Variants in ACSBG1 observed in about 807,000 individuals in gnomAD.
ACSBG1 encodes acyl-CoA synthetase bubblegum family member 1.
A neutral mutation model predicts 80.2 loss-of-function variants in ACSBG1; 39 were observed. The ratio of observed to expected loss-of-function variants is 0.49; its 90% CI spans 0.38 to 0.64. ACSBG1 has a LOEUF of 0.64. Ranked by LOEUF, ACSBG1 falls within the 30% of genes least tolerant of loss-of-function variation. The pLI is 0.00. For synonymous variants in ACSBG1, 392 were observed against 379.5 expected (o/e 1.03, Z -0.38); for missense variants, 828 against 966.4 (o/e 0.86, Z 1.90).
chr15:78,222,997 T>C (rs2075370703), intron 1 of ACSBG1, among the ~76,000 whole-genome samples: 1 of 152,162 alleles, frequency 6.6e-6, no homozygotes, highest in African/African-American at 2.4e-5. Flanking sequence ...CATCAATAGG[T>C]AGAATCTAAT....
At chr15:78,232,551 A>T (rs2075455032) in intron 1 of ACSBG1, among the ~76,000 whole-genome samples, 1 of 151,980 alleles carries the variant, frequency 6.6e-6, no homozygotes, top group Non-Finnish European at 1.5e-5. Context: ...CCTGAGCCCC[A>T]CTTGGCCCCT....
At chr15:78,229,405 A>G (rs1165300140) in intron 1 of ACSBG1, among the ~76,000 whole-genome samples, 3 of 152,224 alleles carry the variant, frequency 2.0e-5, no homozygotes, top group Non-Finnish European at 4.4e-5. Context: ...GTTTAAGGAC[A>G]CTTGTGTTCT....
At chr15:78,199,706 A>G (rs1356468194) in intron 2 of ACSBG1, among the ~76,000 whole-genome samples, 1 of 144,490 alleles carries the variant, frequency 6.9e-6, no homozygotes, top group Non-Finnish European at 1.5e-5. Flanking sequence ...TATGTTGCCC[A>G]GGCTGGTCTT....
chr15:78,171,352 T>A lies in ACSBG1; in HGVS notation c.*92A>T. ...GGAGATCTAACAGACTTGGCAGAAA[T>A]GCCTGTGCCCAGACTGAAGAGACCT... is the stretch of plus-strand genomic sequence containing the variant. On this transcript the variant is annotated 3_prime_UTR_variant, in exon 14 of 14. Transcript: ENST00000258873. 1 of 1,040,754 alleles carries A rather than the reference T, an allele frequency of 9.6e-7. No individual in the cohort carries two copies. The highest frequency in any genetic ancestry group is 1.4e-6 in the Non-Finnish European group (1 of 697,008). The allele number at this position is 1,040,754 out of a possible 1,614,324, so 64.5% of individuals were successfully genotyped here. A position where few individuals can be genotyped will look rare whatever the true frequency, so the allele number is the denominator to read the frequency against.
intron 8 of ACSBG1, 21 bp downstream of exon 8, chr15:78,181,948 A>T: frequency 1.2e-6 from 2 of 1,609,772 alleles, no homozygotes. Flanking sequence ...TCAGACGGAC[A>T]CACGGTAAAG....
intron 5 of ACSBG1, among the ~76,000 whole-genome samples, chr15:78,185,515 T>A (rs1429079718): frequency 6.6e-6 from 1 of 151,910 alleles, no homozygotes; most frequent in East Asian, 1.9e-4. Flanking sequence ...TGGAAAAAAA[T>A]TACTTGTGGG....
intron 1 of ACSBG1, among the ~76,000 whole-genome samples, chr15:78,211,123 A>G (rs1009301675): frequency 6.6e-6 from 1 of 152,232 alleles, no homozygotes; most frequent in African/African-American, 2.4e-5. Context: ...TGAAGAAAAG[A>G]AGCTAAGGTT....
chr15:78,231,406 C>T (rs2075446267), intron 1 of ACSBG1, among the ~76,000 whole-genome samples: 1 of 151,988 alleles, frequency 6.6e-6, no homozygotes, highest in Admixed American at 6.6e-5. Flanking sequence ...ACGGGGATTA[C>T]AGGTGTGAGC....
rs369861314 is a variant in ACSBG1 at position 78,203,378 on chromosome 15, C to T, written c.232+4624G>A. On this transcript the variant is annotated intron_variant, in intron 2 of 13. Transcript: ENST00000258873. Reference sequence around the variant, plus strand: ...AGGCAACCAACGACTAGATCTACAGCGCAGTGGAGAACCCAGAAAGCTCGC... The same window carrying T: ...AGGCAACCAACGACTAGATCTACAGTGCAGTGGAGAACCCAGAAAGCTCGC... 5.3e-5 allele frequency among the ~76,000 whole-genome samples: 8 copies of T among 152,344 alleles called. No homozygotes were observed. In the East Asian group the frequency reaches 7.7e-4, roughly 15 times the overall value.
intron 9 of ACSBG1, among the ~76,000 whole-genome samples, chr15:78,180,295 A>G (rs2074929015): frequency 6.6e-6 from 1 of 152,198 alleles, no homozygotes; most frequent in African/African-American, 2.4e-5. Flanking sequence ...AATTGAAACC[A>G]AGCCAGCTTT....
intron 5 of ACSBG1, among the ~76,000 whole-genome samples, chr15:78,183,279 T>C (rs2074967527): frequency 6.6e-6 from 1 of 152,238 alleles, no homozygotes; most frequent in Admixed American, 6.5e-5. Context: ...AGTATTTACT[T>C]ATGTTTACAA....
intron 1 of ACSBG1, among the ~76,000 whole-genome samples, chr15:78,228,517 C>G (rs1378741631): frequency 1.3e-5 from 2 of 152,184 alleles, no homozygotes; most frequent in Non-Finnish European, 2.9e-5. Context: ...GACTTCAGGT[C>G]AGTTTGAGCT....
rs780821009 is a variant in ACSBG1, at chr15:78,182,916, C to CA, written c.664-132dup. On this transcript the variant is annotated intron_variant, in intron 5 of 13. Coordinates refer to ENST00000258873, the MANE Select transcript of ACSBG1 (RefSeq NM_015162.5). ...CCCCGTCTCTGACCTTCGACCCCAG[C>CA]AGGACAACTGCCACCCTTCACCCAT... The CA allele has an allele frequency of 4.0e-5, 36 of 898,502 alleles. 1 individual carries two copies. Among genetic ancestry groups the CA allele is most frequent in the Non-Finnish European group, 6.1e-5 (35 of 575,678 alleles). The allele number at this position is 898,502 out of a possible 1,614,324, so 55.7% of individuals were successfully genotyped here.
At chr15:78,200,565 A>G (rs533017899) in intron 2 of ACSBG1, among the ~76,000 whole-genome samples, 1 of 152,256 alleles carries the variant, frequency 6.6e-6, no homozygotes, top group East Asian at 1.9e-4. Context: ...TAAAGAGTTG[A>G]GTGGCAGAGC....
chr15:78,217,115 C>G (rs1233688122), intron 1 of ACSBG1, among the ~76,000 whole-genome samples: 1 of 152,198 alleles, frequency 6.6e-6, no homozygotes. Context: ...CAGGTAGGGA[C>G]AAGGCTGCAA....
chr15:78,190,873 AAAAAG>A (rs1348555449), intron 5 of ACSBG1, among the ~76,000 whole-genome samples: 1 of 150,042 alleles, frequency 6.7e-6, no homozygotes, highest in African/African-American at 2.5e-5. Context: ...AAACAAGATA[AAAAAG>A]ACAAAAAAGT....
At chr15:78,229,193 T>A (rs2075427447) in intron 1 of ACSBG1, among the ~76,000 whole-genome samples, 2 of 152,266 alleles carry the variant, frequency 1.3e-5, no homozygotes, top group African/African-American at 4.8e-5. Flanking sequence ...GACTTGTTTT[T>A]GTTTTGTTAT....
rs938974132 is a variant in ACSBG1, at chr15:78,175,333, CAA to C, written c.1703-811_1703-810del. ...TCCTGTCCCTCATTTCTATCTAATT[CAA>C]AAAAGATTAATTGGTCACATTCTGT... On this transcript the variant is annotated intron_variant, in intron 11 of 13. Coordinates refer to ENST00000258873, the MANE Select transcript of ACSBG1 (RefSeq NM_015162.5). Among the ~76,000 whole-genome samples the C allele has an allele frequency of 4.4e-4, 67 of 152,282 alleles. 2 individuals are homozygous for C. The highest frequency in any genetic ancestry group is 1.4e-3 in the African/African-American group (60 of 41,554).
intron 1 of ACSBG1, among the ~76,000 whole-genome samples, 179 bp from the exon 2 acceptor site, chr15:78,208,281 C>T (rs908220390): frequency 3.9e-5 from 6 of 152,142 alleles, no homozygotes; most frequent in Non-Finnish European, 8.8e-5. Context: ...GGGACAAGAC[C>T]TCAGTGGTTG....
Sources: allele counts gnomAD v4.1 joint callset (sites outside exome capture counted in the v4.1 genomes callset), GRCh38; gene constraint gnomAD v4.1.1; transcripts MANE v1.5; gene names NCBI Gene and HGNC (gene_info 2026-07-23, HGNC 2026-07-21).